Variants in CAMK1D observed in about 807,000 individuals in gnomAD.
CAMK1D encodes calcium/calmodulin dependent protein kinase ID.
CAMK1D carries 9 observed loss-of-function variants against 47.7 expected under a neutral mutation model. That is an observed-to-expected ratio of 0.19 (90% confidence interval 0.11 to 0.33). CAMK1D has a LOEUF of 0.33. CAMK1D is among the 10% of genes least tolerant of loss of function. CAMK1D has a pLI of 1.00. For missense variants in CAMK1D, 291 were observed against 488.7 expected, an observed-to-expected ratio of 0.60 and a Z score of 3.81; for synonymous variants, 184 against 184.9, an observed-to-expected ratio of 0.99 and a Z score of 0.04.
chr10:12,526,092 G>A (rs12569881), intron 1 of CAMK1D, among the ~76,000 whole-genome samples: 2,361 of 152,314 alleles, frequency 0.016, 41 homozygotes, highest in South Asian at 0.065. Flanking sequence ...TATGTTGTGA[G>A]ATTCTGAATC....
chr10:12,531,785 C>G (rs550867550), intron 1 of CAMK1D, among the ~76,000 whole-genome samples: 1 of 152,248 alleles, frequency 6.6e-6, no homozygotes, highest in Non-Finnish European at 1.5e-5. Flanking sequence ...ATGTTCTCAT[C>G]ATGTTCTCTC....
In CAMK1D at chr10:12,620,796, G is replaced by C. The variant is rs1426492775; in HGVS notation, c.225-45940G>C. 5.9e-5 allele frequency among the ~76,000 whole-genome samples: 9 copies of C among 152,010 alleles called. No individual in the cohort carries two copies. The East Asian group carries it at 1.7e-3, about 29-fold the overall frequency. ...TGATGAAGTCCAATTTTTCTTTTTG[G>C]AAAAAATACAGGATGCTTTTGGTTT... On this transcript the variant is annotated intron_variant, in intron 2 of 10. Coordinates refer to ENST00000619168, the MANE Select transcript of CAMK1D (RefSeq NM_153498.4).
intron 1 of CAMK1D, among the ~76,000 whole-genome samples, chr10:12,417,273 TGAGAGA>T (rs139115283): frequency 6.7e-6 from 1 of 150,136 alleles, no homozygotes; most frequent in African/African-American, 2.4e-5. Context: ...AAAAAGAGAC[TGAGAGA>T]GAGAGAGAGA....
At position 12,454,404 on chromosome 10, in the gene CAMK1D, C is replaced by T. The variant is rs1431738844; in HGVS notation, c.93-98821C>T. Among the ~76,000 whole-genome samples the T allele has an allele frequency of 1.2e-4, 18 of 152,138 alleles. 1 individual carries two copies. The highest frequency in any genetic ancestry group is 1.1e-3 in the Admixed American group (17 of 15,268). On this transcript the variant is annotated intron_variant, in intron 1 of 10. Coordinates refer to ENST00000619168, the MANE Select transcript of CAMK1D (RefSeq NM_153498.4). ...GTCTCAATCTCCTGACCTTGTGATC[C>T]ATCTGCCTCGTCCTCCCAAAGTGCT...
intron 3 of CAMK1D, among the ~76,000 whole-genome samples, chr10:12,727,572 G>A (rs1442823402): frequency 1.3e-5 from 2 of 152,072 alleles, no homozygotes; most frequent in African/African-American, 4.8e-5. Context: ...GTGTCTTCTG[G>A]GCACAATCTT....
chr10:12,460,170 C>G (rs1833380085), intron 1 of CAMK1D, among the ~76,000 whole-genome samples: 1 of 152,100 alleles, frequency 6.6e-6, no homozygotes, highest in Admixed American at 6.5e-5. Context: ...TAAGGAAAAG[C>G]TCCAGGAGTA....
chr10:12,798,036 A>C (rs915010792), intron 6 of CAMK1D, among the ~76,000 whole-genome samples: 1 of 152,228 alleles, frequency 6.6e-6, no homozygotes, highest in African/African-American at 2.4e-5. Context: ...TGTGGAATGC[A>C]CCAACTTCTG....
rs567307815 is a variant in CAMK1D at position 12,688,603 on chromosome 10, A to C, written c.299+21793A>C. Among the ~76,000 whole-genome samples the C allele has an allele frequency of 4.6e-5, 7 of 152,298 alleles. No individual in the cohort carries two copies. The South Asian group carries it at 1.5e-3, about 32-fold the overall frequency. ...CGTTGTGCAGATCCTTCAAGGGCCT[A>C]GAATTCCTTTAATTTCCAAAACGCT... On this transcript the variant is annotated intron_variant, in intron 3 of 10. Transcript: ENST00000619168.
At chr10:12,742,360 C>G (rs1835470524) in intron 3 of CAMK1D, among the ~76,000 whole-genome samples, 1 of 152,106 alleles carries the variant, frequency 6.6e-6, no homozygotes, top group African/African-American at 2.4e-5. Context: ...GTTTCCAACT[C>G]CTGGGCTCAG....
intron 2 of CAMK1D, among the ~76,000 whole-genome samples, chr10:12,629,519 C>T (rs1355757803): frequency 2.0e-5 from 3 of 152,182 alleles, no homozygotes; most frequent in African/African-American, 7.2e-5. Flanking sequence ...CAGACTATTA[C>T]AGGGAGCAAA....
chr10:12,532,812 T>TC (rs1835851860), intron 1 of CAMK1D, among the ~76,000 whole-genome samples: 1 of 151,964 alleles, frequency 6.6e-6, no homozygotes, highest in Non-Finnish European at 1.5e-5. Flanking sequence ...GAACTGGAGA[T>TC]CATCGTGTTA....
In CAMK1D at chr10:12,693,221, C is replaced by T. The variant is rs146810088; in HGVS notation, c.299+26411C>T. 1.8e-4 allele frequency among the ~76,000 whole-genome samples: 28 copies of T among 152,096 alleles called. No individual in the cohort carries two copies. The East Asian group carries it at 4.6e-3, about 25-fold the overall frequency. On this transcript the variant is annotated intron_variant, in intron 3 of 10. Coordinates refer to ENST00000619168, the MANE Select transcript of CAMK1D (RefSeq NM_153498.4). Reference sequence around the variant, plus strand: ...TCTATTAAAAATACAAAAGATTAGCCGGGCATGGTGGCGTGCGCCTGTAGT... The same window carrying T: ...TCTATTAAAAATACAAAAGATTAGCTGGGCATGGTGGCGTGCGCCTGTAGT...
chr10:12,401,555 G>A lies in CAMK1D; in HGVS notation c.92+51645G>A, dbSNP rs74395613. ...GGTCAGGGAGCACATTCCCTAGGGA[G>A]AAGGATCTGTACAACAGTGTGGAGG... On this transcript the variant is annotated intron_variant, in intron 1 of 10. Coordinates refer to ENST00000619168, the MANE Select transcript of CAMK1D (RefSeq NM_153498.4). Among the ~76,000 whole-genome samples, 1,369 of 151,292 alleles carry A rather than the reference G, an allele frequency of 9.0e-3. 14 individuals are homozygous for A. Among genetic ancestry groups the A allele is most frequent in the African/African-American group, 0.032 (1,315 of 41,172 alleles).
intron 5 of CAMK1D, among the ~76,000 whole-genome samples, chr10:12,787,102 G>T (rs1317055592): frequency 1.3e-5 from 2 of 150,508 alleles, no homozygotes; most frequent in Non-Finnish European, 2.9e-5. Context: ...CAGCCTGGGC[G>T]ACAGAATGAG....
chr10:12,505,190 G>A (rs552573087), intron 1 of CAMK1D, among the ~76,000 whole-genome samples: 3 of 152,306 alleles, frequency 2.0e-5, no homozygotes, highest in Admixed American at 6.5e-5. Flanking sequence ...GAAAAGAGGC[G>A]TGCGGTTGTA....
chr10:12,583,740 T>A (rs1406966150), intron 2 of CAMK1D, among the ~76,000 whole-genome samples: 4 of 152,098 alleles, frequency 2.6e-5, no homozygotes, highest in Non-Finnish European at 5.9e-5. Context: ...TAGCTGGGAT[T>A]ACAGGTGTGC....
chr10:12,415,441 A>G lies in CAMK1D; in HGVS notation c.92+65531A>G, dbSNP rs374235643. Among the ~76,000 whole-genome samples the G allele has an allele frequency of 1.1e-3, 152 of 132,778 alleles. 1 individual carries two copies. The highest frequency in any genetic ancestry group is 4.0e-3 in the African/African-American group (143 of 35,958). 87.1% of individuals were successfully genotyped at this position (132,778 alleles called of 152,430 possible). ...GTAGCTGGCATTACAGGCACCCACC[A>G]CCACGCCTGGCTAATTTTTTTTTTT... On this transcript the variant is annotated intron_variant, in intron 1 of 10. Transcript: ENST00000619168.
Position 12,738,666 on chromosome 10 carries a change from A to C in CAMK1D, c.300-22282A>C, listed in dbSNP as rs970957169. 3.3e-5 allele frequency among the ~76,000 whole-genome samples: 5 copies of C among 151,872 alleles called. No homozygotes were observed. The East Asian group carries it at 9.7e-4, about 29-fold the overall frequency. On this transcript the variant is annotated intron_variant, in intron 3 of 10. Coordinates refer to ENST00000619168, the MANE Select transcript of CAMK1D (RefSeq NM_153498.4). The stretch of plus-strand genomic sequence containing the variant: ...GCCAACACAGTGAAACCCCATCTCT[A>C]CTAAAAATGCAAAAAATTAGCCGGG...
intron 3 of CAMK1D, among the ~76,000 whole-genome samples, chr10:12,757,624 G>T (rs1836289930): frequency 6.6e-6 from 1 of 152,172 alleles, no homozygotes; most frequent in South Asian, 2.1e-4. Flanking sequence ...AGTGCTGGCT[G>T]CCACAACAAA....
Sources: gnomAD v4.1 joint callset for allele counts (sites outside exome capture counted in the v4.1 genomes callset) on GRCh38, gnomAD v4.1.1 for gene constraint, MANE v1.5 for transcripts, NCBI Gene and HGNC (gene_info 2026-07-23, HGNC 2026-07-21) for gene names.